Variants in NMNAT3 observed in about 807,000 individuals in gnomAD.
The protein encoded by NMNAT3 is nicotinamide/nicotinic acid mononucleotide adenylyltransferase 3.
NMNAT3 carries 21 observed loss-of-function variants against 24.8 expected under a neutral mutation model. The observed-to-expected ratio is 0.85, with a 90% confidence interval of 0.60 to 1.22. The LOEUF (loss-of-function observed/expected upper bound fraction) is 1.22. NMNAT3 is among the 50% of genes most tolerant of loss of function. The pLI, the probability that NMNAT3 is intolerant of heterozygous loss-of-function variation, is 0.00. For missense variants in NMNAT3, 387 were observed against 436.6 expected, an observed-to-expected ratio of 0.89 and a Z score of 1.01; for synonymous variants, 136 against 155.2, an observed-to-expected ratio of 0.88 and a Z score of 0.92.
chr3:139,567,694 C>G (rs1937467484), intron 6 of NMNAT3: 1 of 152,214 alleles, frequency 6.6e-6, no homozygotes. Context: ...ATGAAGCCCA[C>G]TTGATCATGG....
intron 3 of NMNAT3, among the ~76,000 whole-genome samples, chr3:139,610,218 G>A (rs1266694433): frequency 6.6e-6 from 1 of 152,120 alleles, no homozygotes; most frequent in Non-Finnish European, 1.5e-5. Context: ...TCTGCAAAGT[G>A]CTGTTTATCC....
chr3:139,588,678 T>A (rs2054042368), intron 3 of NMNAT3, among the ~76,000 whole-genome samples: 1 of 152,102 alleles, frequency 6.6e-6, no homozygotes, highest in Admixed American at 6.5e-5. Flanking sequence ...AGAGTTTGTA[T>A]GAAGAGTCCT....
chr3:139,601,903 G>T (rs918142967), intron 3 of NMNAT3, among the ~76,000 whole-genome samples: 1 of 152,208 alleles, frequency 6.6e-6, no homozygotes, highest in African/African-American at 2.4e-5. Flanking sequence ...GTAAAGCCTT[G>T]TTAATCAAAT....
chr3:139,661,447 T>C (rs1371601256), intron 1 of NMNAT3, among the ~76,000 whole-genome samples: 3 of 152,184 alleles, frequency 2.0e-5, no homozygotes, highest in Non-Finnish European at 4.4e-5. Flanking sequence ...AGTGCAAGGA[T>C]CACTTGTAGC....
At chr3:139,625,987 C>T (rs1312864934) in intron 3 of NMNAT3, among the ~76,000 whole-genome samples, 1 of 152,114 alleles carries the variant, frequency 6.6e-6, no homozygotes, top group East Asian at 1.9e-4. Flanking sequence ...ACTAAATTCT[C>T]TTTTGGTAAA....
intron 3 of NMNAT3, among the ~76,000 whole-genome samples, chr3:139,590,665 A>T (rs1445719645): frequency 6.6e-6 from 1 of 152,114 alleles, no homozygotes; most frequent in East Asian, 1.9e-4. Context: ...TAAATATGAT[A>T]TATAAAATAA....
chr3:139,586,677 G>A (rs2053952668), intron 3 of NMNAT3, among the ~76,000 whole-genome samples: 1 of 152,190 alleles, frequency 6.6e-6, no homozygotes, highest in Admixed American at 6.5e-5. Flanking sequence ...ATTTAAAAGA[G>A]CCAGGCTATA....
intron 1 of NMNAT3, among the ~76,000 whole-genome samples, chr3:139,651,906 C>CT (rs1300227138): frequency 4.6e-5 from 7 of 152,212 alleles, no homozygotes; most frequent in Non-Finnish European, 8.8e-5. Context: ...TCCATGCTCC[C>CT]TGCCCTGGAG....
chr3:139,650,128 G>T (rs909058130), intron 1 of NMNAT3, among the ~76,000 whole-genome samples: 2 of 152,116 alleles, frequency 1.3e-5, no homozygotes, highest in Non-Finnish European at 2.9e-5. Flanking sequence ...CTTCTTAAGC[G>T]ATGGCTCTTA....
At chr3:139,621,735 T>C (rs2055785080) in intron 3 of NMNAT3, among the ~76,000 whole-genome samples, 2 of 152,186 alleles carry the variant, frequency 1.3e-5, no homozygotes, top group African/African-American at 4.8e-5. Flanking sequence ...TTCATCCTTC[T>C]GCTTCTTCCC....
chr3:139,572,560 A>G (rs1359543988), intron 6 of NMNAT3, among the ~76,000 whole-genome samples: 1 of 152,150 alleles, frequency 6.6e-6, no homozygotes, highest in East Asian at 1.9e-4. Flanking sequence ...AACAAGCCGC[A>G]CAGGGGATAC....
intron 3 of NMNAT3, among the ~76,000 whole-genome samples, chr3:139,609,024 A>G (rs1179196970): frequency 6.6e-6 from 1 of 152,230 alleles, no homozygotes; most frequent in Non-Finnish European, 1.5e-5. Flanking sequence ...GGTGTTTTTC[A>G]CTCAGCATTA....
At chr3:139,590,558 A>G (rs1576589414) in intron 3 of NMNAT3, among the ~76,000 whole-genome samples, 1 of 152,208 alleles carries the variant, frequency 6.6e-6, no homozygotes, top group South Asian at 2.1e-4. Flanking sequence ...TGAAAGAGTC[A>G]TAAGTGATTG....
At chr3:139,653,871 A>C (rs2057143200) in intron 1 of NMNAT3, among the ~76,000 whole-genome samples, 1 of 152,222 alleles carries the variant, frequency 6.6e-6, no homozygotes, top group South Asian at 2.1e-4. Context: ...GCAAGGTAGA[A>C]GGGACCAGAG....
chr3:139,576,201 A>T (rs1576543438), intron 5 of NMNAT3: 1 of 985,370 alleles, frequency 1.0e-6, no homozygotes, highest in Non-Finnish European at 1.2e-6. Context: ...TGCTTCTAAA[A>T]CCACCTGACT....
At chr3:139,590,142 T>C (rs776575967) in intron 3 of NMNAT3, among the ~76,000 whole-genome samples, 8 of 152,198 alleles carry the variant, frequency 5.3e-5, no homozygotes, top group African/African-American at 1.7e-4. Flanking sequence ...TGAATTTGTC[T>C]GTACTAAGAA....
At chr3:139,618,225 T>A (rs2055598661) in intron 3 of NMNAT3, among the ~76,000 whole-genome samples, 1 of 152,222 alleles carries the variant, frequency 6.6e-6, no homozygotes, top group Non-Finnish European at 1.5e-5. Context: ...CAACATTTTG[T>A]CTCTTGAGCA....
intron 1 of NMNAT3, among the ~76,000 whole-genome samples, chr3:139,671,465 T>C (rs1051081805): frequency 1.3e-5 from 2 of 152,370 alleles, no homozygotes; most frequent in Non-Finnish European, 1.5e-5. Flanking sequence ...CAGATTATTT[T>C]CTTAAAGCAG....
chr3:139,603,494 G>A (rs1027393391), intron 3 of NMNAT3, among the ~76,000 whole-genome samples: 3 of 151,688 alleles, frequency 2.0e-5, no homozygotes, highest in South Asian at 2.1e-4. Context: ...CCTAAATTAC[G>A]GAAATCACAA....
Sources: allele counts gnomAD v4.1 joint callset (sites outside exome capture counted in the v4.1 genomes callset), GRCh38; gene constraint gnomAD v4.1.1; transcripts MANE v1.5; gene names NCBI Gene and HGNC (gene_info 2026-07-23, HGNC 2026-07-21).